The following SREK1IP1 variants were observed in gnomAD, a reference collection of about 807,000 sequenced individuals.
SREK1IP1 encodes SREK1 interacting protein 1, also known as protein SREK1IP1.
Under a neutral mutation model 22.8 loss-of-function variants are expected in SREK1IP1, and 12 were observed. The observed-to-expected ratio is 0.53, with a 90% confidence interval of 0.34 to 0.85. The LOEUF is 0.85. Among genes scored for constraint, SREK1IP1 ranks in the 40% least tolerant of loss-of-function variants. The probability of loss-of-function intolerance (pLI) is 0.02; values close to 1 mark genes in which losing one functional copy is unlikely to be tolerated. For synonymous variants in SREK1IP1, 53 were observed against 52.7 expected, an observed-to-expected ratio of 1.01 and a Z score of -0.02; for missense variants, 147 against 171.8, an observed-to-expected ratio of 0.86 and a Z score of 0.81.
At chr5:64,749,955 T>C (rs1437637730) in intron 2 of SREK1IP1, among the ~76,000 whole-genome samples, 4 of 152,190 alleles carry the variant, frequency 2.6e-5, no homozygotes, top group Non-Finnish European at 5.9e-5. Flanking sequence ...ATTATTAGTA[T>C]TCTCCAGGCT....
At chr5:64,734,488 A>T (rs1742425820) in intron 3 of SREK1IP1, among the ~76,000 whole-genome samples, 2 of 149,622 alleles carry the variant, frequency 1.3e-5, no homozygotes, top group Admixed American at 6.6e-5. Context: ...TTTGATTGTG[A>T]TTCCTTTTTT....
chr5:64,727,712 T>C (rs1742300272), intron 4 of SREK1IP1: 1 of 152,598 alleles, frequency 6.6e-6, no homozygotes, highest in African/African-American at 2.4e-5. Flanking sequence ...ACTTGGATAA[T>C]TTTTCTTTTA....
chr5:64,740,133 G>A (rs991389848), intron 3 of SREK1IP1, among the ~76,000 whole-genome samples: 3 of 152,072 alleles, frequency 2.0e-5, no homozygotes, highest in East Asian at 1.9e-4. Context: ...TACACAACGT[G>A]GGAAAGAAAG....
intron 1 of SREK1IP1, among the ~76,000 whole-genome samples, chr5:64,763,256 A>G (rs562477692): frequency 2.6e-5 from 4 of 152,102 alleles, no homozygotes; most frequent in Non-Finnish European, 4.4e-5. Context: ...AGAGACAGAG[A>G]GGCTGGGCGC....
Position 64,767,260 on chromosome 5 carries a change from ATG to A in SREK1IP1, c.13+1243_13+1244del, listed in dbSNP as rs1388589981. ...TGGAAAGTCCTTCTGCCCATCCTGT[ATG>A]TGTTTGGTGCCCTTACTTTGTGCTA... On this transcript the variant is annotated intron_variant, in intron 1 of 4. Transcript: ENST00000513458. Among the ~76,000 whole-genome samples the A allele has an allele frequency of 7.2e-5, 11 of 152,038 alleles. No individual in the cohort carries two copies. The East Asian group carries it at 2.1e-3, about 29-fold the overall frequency.
chr5:64,735,144 T>C (rs930096328), intron 3 of SREK1IP1, among the ~76,000 whole-genome samples: 1 of 141,032 alleles, frequency 7.1e-6, no homozygotes, highest in Non-Finnish European at 1.5e-5. Flanking sequence ...ATAATTTTTC[T>C]TAAAATATTG....
intron 2 of SREK1IP1, among the ~76,000 whole-genome samples, chr5:64,749,059 CATAATAATAATAATAATAATA>C (rs58434271): frequency 1.7e-4 from 22 of 131,636 alleles, no homozygotes; most frequent in African/African-American, 5.1e-4. Context: ...AGCTATGCCA[CATAATAATAATAATAATAATA>C]ATAATAATAA....
In SREK1IP1 at chr5:64,753,579, C is replaced by T. The variant is rs557718171; in HGVS notation, c.61+736G>A. ...AGATTTATGCCGAGTACTCTCTTAT[C>T]ACATGTTCTTGCATGAACATCTTTT... On this transcript the variant is annotated intron_variant, in intron 2 of 4. Coordinates refer to ENST00000513458, the MANE Select transcript of SREK1IP1 (RefSeq NM_173829.4). Among the ~76,000 whole-genome samples the T allele has an allele frequency of 7.2e-4, 110 of 152,294 alleles. 2 individuals are homozygous for T. The highest frequency in any genetic ancestry group is 2.3e-3 in the African/African-American group (94 of 41,562).
intron 1 of SREK1IP1, among the ~76,000 whole-genome samples, chr5:64,757,645 C>G (rs1742865573): frequency 6.6e-6 from 1 of 152,122 alleles, no homozygotes; most frequent in African/African-American, 2.4e-5. Flanking sequence ...ATGTTGTGAA[C>G]ATCCATCAAC....
intron 1 of SREK1IP1, among the ~76,000 whole-genome samples, chr5:64,760,247 T>C (rs868016948): frequency 1.3e-5 from 2 of 152,222 alleles, no homozygotes; most frequent in African/African-American, 2.4e-5. Context: ...AAGAAGATGA[T>C]AGAGCAGGAG....
chr5:64,724,419 A>G lies in SREK1IP1; in HGVS notation c.433T>C (p.Ser145Pro), dbSNP rs755557123. 6.3e-7 allele frequency: 1 copy of G among 1,582,950 alleles called. No individual in the cohort carries two copies. Among genetic ancestry groups the G allele is most frequent in the Non-Finnish European group, 8.5e-7 (1 of 1,171,764 alleles). ...GAGAATTCAGAACTATTAGGTGTAG[A>G]AGAATGCTTTTCCTTTTTTCTCTTC... Reference protein sequence around the residue: ...KKKRKKEKHSSTPNSSEFSRK With the variant: ...KKKRKKEKHSPTPNSSEFSRK Residue 145 changes from serine to proline, a missense_variant, in exon 5 of 5, where the codon TCT becomes CCT. Physicochemically the swap from Ser to Pro is moderately conservative, Grantham distance 74. Coordinates refer to ENST00000513458, the MANE Select transcript of SREK1IP1 (RefSeq NM_173829.4).
chr5:64,727,454 C>CATATATATATAT (rs10649215), intron 4 of SREK1IP1, among the ~76,000 whole-genome samples: 3 of 141,012 alleles, frequency 2.1e-5, no homozygotes, highest in African/African-American at 8.3e-5. Context: ...CATCAGCCAC[C>CATATATATATAT]ATATATATAT....
At chr5:64,734,854 G>C (rs1459308004) in intron 3 of SREK1IP1, among the ~76,000 whole-genome samples, 2 of 151,932 alleles carry the variant, frequency 1.3e-5, no homozygotes, top group Admixed American at 6.5e-5. Flanking sequence ...CATTTCATCT[G>C]CAAAAAAAGA....
Position 64,719,629 on chromosome 5 carries a change from G to T in SREK1IP1, c.*4755C>A, listed in dbSNP as rs577528108. ...GCACCATTCTACTTTTGTTGCTCAT[G>T]GCCAAGGACTATAAATGGCACAAGA... On this transcript the variant is annotated 3_prime_UTR_variant, in exon 5 of 5. Transcript: ENST00000513458. The T allele has an allele frequency of 6.6e-6, 1 of 152,250 alleles. No individual in the cohort carries two copies. The highest frequency in any genetic ancestry group is 1.9e-4 in the East Asian group (1 of 5,178). 9.4% of individuals were successfully genotyped at this position (152,250 alleles called of 1,614,324 possible). A position where few individuals can be genotyped will look rare whatever the true frequency, so the allele number is the denominator to read the frequency against.
intron 2 of SREK1IP1, among the ~76,000 whole-genome samples, chr5:64,751,660 C>T (rs1742742564): frequency 6.6e-6 from 1 of 152,198 alleles, no homozygotes; most frequent in Admixed American, 6.5e-5. Context: ...CACCCTCCAT[C>T]CTGTTGCTGA....
In SREK1IP1 at chr5:64,740,251, T is replaced by C. The variant is rs75100311; in HGVS notation, c.205+806A>G. On this transcript the variant is annotated intron_variant, in intron 3 of 4. Transcript: ENST00000513458. Reference sequence around the variant, plus strand: ...AAATCTCTCTGAAACACACTAACAATAGATCTCCTGGAAAAAAAATAAATG... The same window carrying C: ...AAATCTCTCTGAAACACACTAACAACAGATCTCCTGGAAAAAAAATAAATG... Among the ~76,000 whole-genome samples the C allele has an allele frequency of 2.6e-3, 400 of 152,020 alleles. 1 individual carries two copies. Among genetic ancestry groups the C allele is most frequent in the African/African-American group, 8.5e-3 (353 of 41,482 alleles).
rs1369649836 is a variant in SREK1IP1 at position 64,723,398 on chromosome 5, T to C, written c.*986A>G. ...CGTTAAGTTCAGTGTGAAACTTGCTTTAAAACTACAAATTATGTCAGACAA... is the reference window on the plus strand; with the variant it reads ...CGTTAAGTTCAGTGTGAAACTTGCTCTAAAACTACAAATTATGTCAGACAA... On this transcript the variant is annotated 3_prime_UTR_variant, in exon 5 of 5. Transcript: ENST00000513458. 2.0e-5 allele frequency: 3 copies of C among 152,210 alleles called. No individual in the cohort carries two copies. The highest frequency in any genetic ancestry group is 7.2e-5 in the African/African-American group (3 of 41,454). 9.4% of individuals were successfully genotyped at this position (152,210 alleles called of 1,614,324 possible).
intron 4 of SREK1IP1, among the ~76,000 whole-genome samples, chr5:64,726,034 AT>A (rs1285787803): frequency 2.0e-5 from 3 of 150,028 alleles, no homozygotes; most frequent in African/African-American, 2.5e-5. Context: ...CCACCAGCTA[AT>A]TTTTTTTGTA....
Position 64,764,824 on chromosome 5 carries a change from T to C in SREK1IP1, c.13+3681A>G, listed in dbSNP as rs939868508. On this transcript the variant is annotated intron_variant, in intron 1 of 4. Coordinates refer to ENST00000513458, the MANE Select transcript of SREK1IP1 (RefSeq NM_173829.4). ...CAATATAGACTAGAGAGAAAACAAA[T>C]TACCTATAGTCTAGTTTAGGAATAA... 2.0e-5 allele frequency among the ~76,000 whole-genome samples: 3 copies of C among 152,244 alleles called. No individual in the cohort carries two copies. The East Asian group carries it at 5.8e-4, about 29-fold the overall frequency.
Sources: allele counts gnomAD v4.1 joint callset (sites outside exome capture counted in the v4.1 genomes callset), GRCh38; gene constraint gnomAD v4.1.1; transcripts MANE v1.5; gene names NCBI Gene and HGNC (gene_info 2026-07-23, HGNC 2026-07-21).